The following CTNNBL1 variants were observed in gnomAD, a reference collection of about 807,000 sequenced individuals.
CTNNBL1 encodes the protein catenin beta like 1, also known as beta-catenin-like protein 1.
A neutral mutation model predicts 72.7 loss-of-function variants in CTNNBL1; 31 were observed. The ratio of observed to expected loss-of-function variants is 0.43; its 90% confidence interval spans 0.32 to 0.58. The LOEUF is 0.58. CTNNBL1 is among the 20% of genes least tolerant of loss of function. The pLI, the probability that CTNNBL1 is intolerant of heterozygous loss-of-function variation, is 0.08. For synonymous variants in CTNNBL1, 240 were observed against 267.3 expected (o/e 0.90, Z 1.00); for missense variants, 534 against 725.1 (o/e 0.74, Z 3.03).
chr20:37,762,927 A>G (rs2073430890), intron 5 of CTNNBL1, among the ~76,000 whole-genome samples: 1 of 152,212 alleles, frequency 6.6e-6, no homozygotes, highest in South Asian at 2.1e-4. Flanking sequence ...CCCATTATCC[A>G]TAACCATTCA....
chr20:37,764,841 G>T (rs572660532), intron 5 of CTNNBL1, among the ~76,000 whole-genome samples: 2 of 152,150 alleles, frequency 1.3e-5, no homozygotes, highest in African/African-American at 4.8e-5. Context: ...TGGCATTCTC[G>T]TAAGGTAGTA....
intron 11 of CTNNBL1, among the ~76,000 whole-genome samples, chr20:37,826,979 C>G (rs1357095393): frequency 6.6e-6 from 1 of 152,234 alleles, no homozygotes; most frequent in Non-Finnish European, 1.5e-5. Context: ...AGAGCATTCT[C>G]TCATGCCCCT....
chr20:37,719,657 G>T (rs1462985182), intron 1 of CTNNBL1, among the ~76,000 whole-genome samples: 1 of 152,076 alleles, frequency 6.6e-6, no homozygotes, highest in Non-Finnish European at 1.5e-5. Flanking sequence ...ACACTCATTG[G>T]CTATCAAGTG....
At chr20:37,758,702 G>A (rs1273327329) in intron 5 of CTNNBL1, among the ~76,000 whole-genome samples, 1 of 152,230 alleles carries the variant, frequency 6.6e-6, no homozygotes, top group Admixed American at 6.5e-5. Flanking sequence ...TCTGTGGATT[G>A]TTCTTCTTCT....
intron 11 of CTNNBL1, among the ~76,000 whole-genome samples, chr20:37,831,367 CTTTTTTTT>C (rs202003605): frequency 0.82 from 122,696 of 149,330 alleles, 50,271 homozygotes; most frequent in Middle Eastern, 0.91. Context: ...TTTTTCTTTT[CTTTTTTTT>C]TTTTTTTTGA....
chr20:37,795,777 G>T (rs1207576076), intron 10 of CTNNBL1, among the ~76,000 whole-genome samples: 1 of 151,176 alleles, frequency 6.6e-6, no homozygotes, highest in Middle Eastern at 3.4e-3. Context: ...TTCTAATTCT[G>T]TCACCTGTGT....
At chr20:37,706,459 G>T (rs968260340) in intron 1 of CTNNBL1, among the ~76,000 whole-genome samples, 1 of 152,230 alleles carries the variant, frequency 6.6e-6, no homozygotes, top group African/African-American at 2.4e-5. Flanking sequence ...TTCACTAGGA[G>T]TAGAGTTTAT....
In CTNNBL1 at chr20:37,695,836, A is replaced by T. The variant is rs1600425568; in HGVS notation, c.30+1684A>T. On this transcript the variant is annotated intron_variant, in intron 1 of 15. Transcript: ENST00000361383. ...AGTCCTTAGACAATGCTTGCCAAAG[A>T]GTAAACATTCAGTAAATATTAGCAG... is the stretch of plus-strand genomic sequence containing the variant. Among the ~76,000 whole-genome samples the T allele has an allele frequency of 2.0e-5, 3 of 152,358 alleles. No individual in the cohort carries two copies. In the South Asian group the frequency reaches 6.2e-4, roughly 32 times the overall value.
chr20:37,747,381 A>AAAC (rs2073276207), intron 4 of CTNNBL1, among the ~76,000 whole-genome samples: 1 of 125,708 alleles, frequency 8.0e-6, no homozygotes, highest in South Asian at 2.2e-4. Context: ...TCCATCTCAA[A>AAAC]AAAAAAAAAA....
chr20:37,738,676 A>G (rs1297184805), intron 3 of CTNNBL1, among the ~76,000 whole-genome samples: 2 of 152,232 alleles, frequency 1.3e-5, no homozygotes, highest in African/African-American at 2.4e-5. Context: ...AAGGAAACAG[A>G]CACTTTAAAA....
chr20:37,787,343 G>GTTT lies in CTNNBL1; in HGVS notation c.1031+8025_1031+8027dup, dbSNP rs11482375. ...TCTTGTTAAAGACACATAACTGTGT[G>GTTT]TTTTTTTTTTTTTTTTTTTGAGACG... On this transcript the variant is annotated intron_variant, in intron 10 of 15. Transcript: ENST00000361383. 8.3e-3 allele frequency among the ~76,000 whole-genome samples: 889 copies of GTTT among 107,066 alleles called. 12 individuals are homozygous for GTTT. The highest frequency in any genetic ancestry group is 0.023 in the Middle Eastern group (3 of 132). The allele number at this position is 107,066 out of a possible 152,430, so 70.2% of individuals were successfully genotyped here. A position where few individuals can be genotyped will look rare whatever the true frequency, so the allele number is the denominator to read the frequency against.
intron 1 of CTNNBL1, among the ~76,000 whole-genome samples, chr20:37,701,976 C>T (rs755406010): frequency 1.1e-4 from 16 of 152,076 alleles, no homozygotes; most frequent in East Asian, 3.8e-4. Flanking sequence ...ATCGTACGCA[C>T]GTGGAATGAA....
At chr20:37,871,231 G>C (rs529672239) in intron 15 of CTNNBL1, among the ~76,000 whole-genome samples, 1 of 152,322 alleles carries the variant, frequency 6.6e-6, no homozygotes, top group South Asian at 2.1e-4. Flanking sequence ...TGCTGCTGCT[G>C]CTGCTCGGGT....
intron 11 of CTNNBL1, among the ~76,000 whole-genome samples, chr20:37,821,308 C>T (rs1204082131): frequency 5.3e-5 from 8 of 152,178 alleles, no homozygotes; most frequent in Non-Finnish European, 1.0e-4. Flanking sequence ...CTGTGAGCTC[C>T]GCTAGGCAAG....
intron 1 of CTNNBL1, among the ~76,000 whole-genome samples, chr20:37,711,073 A>G (rs2072933955): frequency 6.6e-6 from 1 of 151,940 alleles, no homozygotes; most frequent in African/African-American, 2.4e-5. Flanking sequence ...GGTGTGCCCT[A>G]CCCTAGCTGG....
intron 1 of CTNNBL1, 23 bp downstream of exon 1, chr20:37,694,175 A>G (rs2072767923): frequency 3.2e-6 from 5 of 1,581,206 alleles, no homozygotes; most frequent in Non-Finnish European, 3.4e-6. Context: ...GGGAGGGCCG[A>G]GCGACCGCGT....
intron 11 of CTNNBL1, among the ~76,000 whole-genome samples, chr20:37,809,979 C>T: frequency 6.6e-6 from 1 of 151,690 alleles, no homozygotes; most frequent in East Asian, 1.9e-4. Flanking sequence ...ATGGTTGTAC[C>T]ATAAGGCTGC....
chr20:37,797,758 T>C (rs2073790977), intron 10 of CTNNBL1, among the ~76,000 whole-genome samples: 1 of 152,172 alleles, frequency 6.6e-6, no homozygotes, highest in South Asian at 2.1e-4. Context: ...GCAAGCATAA[T>C]CTTTCTTATA....
At chr20:37,789,375 A>G (rs1428249714) in intron 10 of CTNNBL1, among the ~76,000 whole-genome samples, 1 of 152,262 alleles carries the variant, frequency 6.6e-6, no homozygotes, top group Non-Finnish European at 1.5e-5. Context: ...AAGAATTAAC[A>G]TATGAACATG....
Sources: allele counts gnomAD v4.1 joint callset (sites outside exome capture counted in the v4.1 genomes callset), GRCh38; gene constraint gnomAD v4.1.1; transcripts MANE v1.5; gene names NCBI Gene and HGNC (gene_info 2026-07-23, HGNC 2026-07-21).